The following MFSD1 variants were observed in gnomAD, a reference collection of about 807,000 sequenced individuals.
MFSD1 encodes the protein lysosomal dipeptide transporter MFSD1.
A neutral mutation model predicts 67.1 loss-of-function variants in MFSD1; 59 were observed. The observed-to-expected ratio is 0.88, with a 90% CI of 0.71 to 1.09. The LOEUF (loss-of-function observed/expected upper bound fraction) is 1.09. Ranked by LOEUF, MFSD1 falls within the 50% of genes least tolerant of loss-of-function variation. MFSD1 has a pLI of 0.00. For synonymous variants in MFSD1, 213 were observed against 200.3 expected, an observed-to-expected ratio of 1.06 and a Z score of -0.54; for missense variants, 552 against 566.1, an observed-to-expected ratio of 0.97 and a Z score of 0.25.
chr3:158,816,763 C>T (rs1404539758), intron 7 of MFSD1, among the ~76,000 whole-genome samples: 2 of 151,056 alleles, frequency 1.3e-5, no homozygotes, highest in African/African-American at 2.4e-5. Flanking sequence ...AGGTTTTCTT[C>T]GAGGGTTTTT....
rs1192969589 is a variant in MFSD1, at chr3:158,824,156, T to C, written c.1208T>C (p.Ile403Thr). The C allele has an allele frequency of 6.2e-7, 1 of 1,613,466 alleles. No homozygotes were observed. Reference protein sequence around the residue: ...MQSIQNLGLAIISIIAGMILD... With the variant: ...MQSIQNLGLATISIIAGMILD... ...TCCATTCAGAATCTTGGGTTGGCCA[T>C]CATTTCCATCATTGCTGGTATGATA... The change falls in exon 13 of 16, where the codon ATC becomes ACC. Residue 403 changes from isoleucine (I) to threonine (T), a missense_variant. Physicochemically the swap from Ile to Thr is moderately conservative, Grantham distance 89. Coordinates refer to ENST00000415822, the MANE Select transcript of MFSD1 (RefSeq NM_022736.4).
intron 14 of MFSD1, 53 bp downstream of exon 14, chr3:158,826,115 G>C: frequency 6.8e-7 from 1 of 1,465,576 alleles, no homozygotes; most frequent in South Asian, 1.1e-5. Context: ...TCATCTTGTG[G>C]GGTCTCTGGG....
rs114244705 is a variant in MFSD1, at chr3:158,806,156, A to G, written c.329+682A>G. ...TTCAAACCATGTCTGGTGGATAAAG[A>G]TTAAAGAAACTTTAAGAGTTTACAC... is the stretch of plus-strand genomic sequence containing the variant. On this transcript the variant is annotated intron_variant, in intron 3 of 15. Coordinates refer to ENST00000415822, the MANE Select transcript of MFSD1 (RefSeq NM_022736.4). Among the ~76,000 whole-genome samples, 1,153 of 152,366 alleles carry G rather than the reference A, an allele frequency of 7.6e-3. 25 individuals carry two copies. Among genetic ancestry groups the G allele is most frequent in the African/African-American group, 0.027 (1,123 of 41,584 alleles).
intron 6 of MFSD1, among the ~76,000 whole-genome samples, 178 bp from the exon 7 acceptor site, chr3:158,813,787 C>T (rs1388445366): frequency 5.2e-5 from 7 of 134,810 alleles, no homozygotes; most frequent in Admixed American, 1.5e-4. Context: ...TTTCTGCTGT[C>T]GTAACTATCT....
At chr3:158,823,396 G>A (rs1730775825) in intron 11 of MFSD1, 32 bp from the exon 12 acceptor site, 1 of 1,426,524 alleles carries the variant, frequency 7.0e-7, no homozygotes, top group African/African-American at 1.4e-5. Flanking sequence ...GTTAATGTAA[G>A]ACTGTGACCT....
chr3:158,810,333 A>G (rs1453725343), intron 6 of MFSD1, among the ~76,000 whole-genome samples: 3 of 152,188 alleles, frequency 2.0e-5, no homozygotes, highest in Non-Finnish European at 4.4e-5. Context: ...TTTTGCCACT[A>G]AAAATCAAGC....
At chr3:158,818,291 G>T (rs1296269022) in intron 7 of MFSD1, among the ~76,000 whole-genome samples, 1 of 152,100 alleles carries the variant, frequency 6.6e-6, no homozygotes, top group Non-Finnish European at 1.5e-5. Context: ...GATACATTGT[G>T]TAACAATCAA....
At chr3:158,828,934 G>GT (rs1731148088) in intron 15 of MFSD1, 45 bp from the exon 16 acceptor site, 2 of 1,587,210 alleles carry the variant, frequency 1.3e-6, no homozygotes, top group Admixed American at 1.8e-5. Flanking sequence ...TGAGCTTCAT[G>GT]TTTTTTTCTT....
rs1379853112 is a variant in MFSD1 at position 158,824,181 on chromosome 3, A to C, written c.1233A>C (p.Ile411=). 1 of 1,613,226 alleles carries C rather than the reference A, an allele frequency of 6.2e-7. No individual in the cohort carries two copies. The highest frequency in any genetic ancestry group is 2.2e-5 in the East Asian group (1 of 44,780). Residue 411 remains isoleucine, a synonymous_variant, in exon 13 of 16, where the codon ATA becomes ATC. Transcript: ENST00000415822. The stretch of plus-strand genomic sequence containing the variant: ...TCATTTCCATCATTGCTGGTATGAT[A>C]CTGGATTCTCGGGGGTATTTGTTTT... ...LAIISIIAGM[I]LDSRGYLFLE...
chr3:158,827,928 G>GAA (rs1731081053), intron 15 of MFSD1, among the ~76,000 whole-genome samples: 1 of 79,302 alleles, frequency 1.3e-5, no homozygotes, highest in Admixed American at 1.1e-4. Context: ...GAGAGAGAGA[G>GAA]AGAGAGAGAG....
intron 5 of MFSD1, among the ~76,000 whole-genome samples, chr3:158,808,119 A>G (rs961827061): frequency 6.6e-6 from 1 of 152,220 alleles, no homozygotes; most frequent in African/African-American, 2.4e-5. Context: ...GAGAGAAGGA[A>G]GAAGAATGTA....
Position 158,805,361 on chromosome 3 carries a change from G to A in MFSD1, c.217-1G>A, listed in dbSNP as rs749375107. The A allele has an allele frequency of 4.4e-6, 7 of 1,605,612 alleles. No individual in the cohort carries two copies. In the South Asian group the frequency reaches 4.4e-5, roughly 10 times the overall value. On this transcript the variant is annotated splice_acceptor_variant, in intron 2 of 15. Transcript: ENST00000415822. LOFTEE classifies it high-confidence loss of function. ...AATAGTTTTATTTTCTTTTCATATA[G>A]GATATGCAAGTGAATACCACGAAAT... is the stretch of plus-strand genomic sequence containing the variant.
At chr3:158,819,615 A>T (rs1265546871) in intron 7 of MFSD1, 34 bp from the exon 8 acceptor site, 1 of 1,229,224 alleles carries the variant, frequency 8.1e-7, no homozygotes, top group South Asian at 1.4e-5. Flanking sequence ...CTCTTTTCAA[A>T]GTCTGTTTTT....
intron 7 of MFSD1, among the ~76,000 whole-genome samples, chr3:158,815,138 A>C (rs979859129): frequency 2.6e-5 from 4 of 152,216 alleles, no homozygotes; most frequent in African/African-American, 9.6e-5. Flanking sequence ...CGTCCATAGC[A>C]TAAGGGAGAA....
chr3:158,807,253 C>T, intron 4 of MFSD1, 143 bp from the exon 5 acceptor site: 1 of 920,030 alleles, frequency 1.1e-6, no homozygotes. Context: ...AATAAATGAA[C>T]ATTAATATTT....
At chr3:158,807,237 C>T (rs1488437218) in intron 4 of MFSD1, among the ~76,000 whole-genome samples, 155 bp downstream of exon 4, 1 of 152,120 alleles carries the variant, frequency 6.6e-6, no homozygotes, top group East Asian at 1.9e-4. Context: ...CTATTTTAAG[C>T]CTTGAAATAA....
chr3:158,825,232 C>T (rs1730905545), intron 13 of MFSD1: 1 of 152,144 alleles, frequency 6.6e-6, no homozygotes, highest in Non-Finnish European at 1.5e-5. Flanking sequence ...AGTCACAGCT[C>T]AATGTAACTT....
In MFSD1 at chr3:158,802,161, G is replaced by GGAGGAT; in HGVS notation, c.15_20dup (p.Asp5_Glu6dup). On this transcript the variant is annotated inframe_insertion, in exon 1 of 16. Transcript: ENST00000415822. ...CGTCTCCTGCGGGCGCAATGGAGGA[G>GGAGGAT]GAGGATGAGGAAGCGCGGGCGCTCC... 6.2e-7 allele frequency: 1 copy of GGAGGAT among 1,612,716 alleles called. No homozygotes were observed. The highest frequency in any genetic ancestry group is 8.5e-7 in the Non-Finnish European group (1 of 1,179,680).
chr3:158,827,730 C>A (rs1463189007), intron 15 of MFSD1, among the ~76,000 whole-genome samples: 1 of 151,900 alleles, frequency 6.6e-6, no homozygotes, highest in Middle Eastern at 3.2e-3. Context: ...CTTTGAACTT[C>A]TAAGAGATTA....
Sources: allele counts gnomAD v4.1 joint callset (sites outside exome capture counted in the v4.1 genomes callset), GRCh38; gene constraint gnomAD v4.1.1; transcripts MANE v1.5; gene names NCBI Gene and HGNC (gene_info 2026-07-23, HGNC 2026-07-21).